The following RCOR2 variants were observed in gnomAD, a reference collection of about 807,000 sequenced individuals.
The protein encoded by RCOR2 is REST corepressor 2.
A neutral mutation model predicts 58.9 loss-of-function variants in RCOR2; 19 were observed. The observed-to-expected ratio is 0.32, with a 90% CI of 0.23 to 0.47. The LOEUF (loss-of-function observed/expected upper bound fraction) is 0.47, where lower values mean the gene tolerates loss of function less well. Ranked by LOEUF, RCOR2 falls within the 20% of genes least tolerant of loss-of-function variation. The pLI is 1.00. For missense variants in RCOR2, 590 were observed against 707.9 expected, an observed-to-expected ratio of 0.83 and a Z score of 1.89; for synonymous variants, 286 against 278.7, an observed-to-expected ratio of 1.03 and a Z score of -0.26.
At position 63,911,848 on chromosome 11, in the gene RCOR2, G is replaced by A. The variant is rs371099264; in HGVS notation, c.*17C>T. 17 of 1,484,504 alleles carry A rather than the reference G, an allele frequency of 1.1e-5. No individual in the cohort carries two copies. The Admixed American group carries it at 1.4e-4, about 13-fold the overall frequency. 92.0% of individuals were successfully genotyped at this position (1,484,504 alleles called of 1,614,324 possible). ...AAAGGGGTCCTGGAGCCCGTGGTTGGTGGAGGACGTCAGGGCTCAGAGTGA... is the reference window on the plus strand; with the variant it reads ...AAAGGGGTCCTGGAGCCCGTGGTTGATGGAGGACGTCAGGGCTCAGAGTGA... On this transcript the variant is annotated 3_prime_UTR_variant, in exon 12 of 12. Transcript: ENST00000301459.
intron 9 of RCOR2, 56 bp from the exon 10 acceptor site, chr11:63,912,789 C>G (rs1163849090): frequency 6.2e-7 from 1 of 1,608,304 alleles, no homozygotes; most frequent in Non-Finnish European, 8.5e-7. Flanking sequence ...AATGGAAGCC[C>G]TGCTCCCCAA....
chr11:63,914,159 G>A lies in RCOR2; in HGVS notation c.686C>T (p.Ser229Phe). The change falls in exon 8 of 12, where the codon TCT (serine) becomes TTT (phenylalanine). Residue 229 changes from serine (S) to phenylalanine (F), a missense_variant. Coordinates refer to ENST00000301459, the MANE Select transcript of RCOR2 (RefSeq NM_173587.4). ...PADPKREPLP[S>F]RPLNARPGPG... ...GCCTGGGCGTGCATTCAGGGGCCGA[G>A]AGGGTAGAGGCTGCCAGTGAAAGGA... 1 of 1,613,732 alleles carries A rather than the reference G, an allele frequency of 6.2e-7. No homozygotes were observed. Among genetic ancestry groups the A allele is most frequent in the Non-Finnish European group, 8.5e-7 (1 of 1,179,928 alleles).
Position 63,916,662 on chromosome 11 carries a change from C to T in RCOR2, c.-206G>A. On this transcript the variant is annotated 5_prime_UTR_variant, in exon 1 of 12. Coordinates refer to ENST00000301459, the MANE Select transcript of RCOR2 (RefSeq NM_173587.4). ...TCTCCACGACCCCCACGAGCCAGGG[C>T]GTCAGAAAAGTTTGTGCAGAAGTGG... 1.2e-6 allele frequency: 1 copy of T among 853,262 alleles called. No individual in the cohort carries two copies. The highest frequency in any genetic ancestry group is 1.7e-6 in the Non-Finnish European group (1 of 578,434). 52.9% of individuals were successfully genotyped at this position (853,262 alleles called of 1,614,324 possible).
Position 63,914,642 on chromosome 11 carries a change from G to T in RCOR2, c.480+13C>A, listed in dbSNP as rs1185302539. ...CAGAGGAGCGCCGGGGAGTGGGGGT[G>T]GAAGGGCTTTACCATCTGCTGGATC... On this transcript the variant is annotated intron_variant, in intron 5 of 11. Transcript: ENST00000301459. The T allele has an allele frequency of 1.2e-6, 2 of 1,604,162 alleles. No homozygotes were observed. Among genetic ancestry groups the T allele is most frequent in the Non-Finnish European group, 8.5e-7 (1 of 1,174,622 alleles).
chr11:63,919,104 C>T (rs1249138055), upstream of RCOR2, among the ~76,000 whole-genome samples: 1 of 151,988 alleles, frequency 6.6e-6, no homozygotes, highest in African/African-American at 2.4e-5. Flanking sequence ...GGGAGAGTCC[C>T]TAGGCCCTGA....
In RCOR2 at chr11:63,911,665, C is replaced by CG; in HGVS notation, c.*199dup. On this transcript the variant is annotated 3_prime_UTR_variant, in exon 12 of 12. Coordinates refer to ENST00000301459, the MANE Select transcript of RCOR2 (RefSeq NM_173587.4). Reference sequence around the variant, plus strand: ...AGGCCAGCTCAAAGGCCCCTGAGCCCGGCCATGGCCCCAGGAGACAGGCCC... The same window carrying CG: ...AGGCCAGCTCAAAGGCCCCTGAGCCCGGGCCATGGCCCCAGGAGACAGGCCC... 1.2e-6 allele frequency: 1 copy of CG among 841,158 alleles called. No individual in the cohort carries two copies. Among genetic ancestry groups the CG allele is most frequent in the Admixed American group, 4.1e-5 (1 of 24,508 alleles). 52.1% of individuals were successfully genotyped at this position (841,158 alleles called of 1,614,324 possible). A position where few individuals can be genotyped will look rare whatever the true frequency, so the allele number is the denominator to read the frequency against.
chr11:63,912,485 C>A lies in RCOR2; in HGVS notation c.1077G>T (p.Gly359=). ...TCTTCACCTGGGTCAGAGTCTTGTT[C>A]CCAATCACCTCTGCAATAGCCCCAA... ...KDFGAIAEVI[G]NKTLTQVKTF... The change falls in exon 11 of 12, where the codon GGG becomes GGT. Residue 359 remains glycine, a synonymous_variant. Coordinates refer to ENST00000301459, the MANE Select transcript of RCOR2 (RefSeq NM_173587.4). The A allele has an allele frequency of 6.2e-7, 1 of 1,614,012 alleles. No homozygotes were observed. Among genetic ancestry groups the A allele is most frequent in the South Asian group, 1.1e-5 (1 of 91,080 alleles).
the RCOR2 span, among the ~76,000 whole-genome samples, chr11:63,923,349 C>A: frequency 6.6e-6 from 1 of 152,012 alleles, no homozygotes. Context: ...TCCCTTCATC[C>A]CATGTTCACC....
chr11:63,917,290 C>T (rs1941874330), upstream of RCOR2, among the ~76,000 whole-genome samples: 1 of 148,168 alleles, frequency 6.7e-6, no homozygotes, highest in African/African-American at 2.5e-5. Flanking sequence ...GCCAGGGGGC[C>T]GGGGCCAGAC....
the RCOR2 span, among the ~76,000 whole-genome samples, chr11:63,926,797 G>GT: frequency 1.1e-3 from 152 of 133,200 alleles, no homozygotes; most frequent in East Asian, 0.015. Flanking sequence ...TTTTTGTTTT[G>GT]TTTTTTTTGT....
chr11:63,914,253 G>A lies in RCOR2; in HGVS notation c.675+8C>T, dbSNP rs1941822647. 1.2e-6 allele frequency: 2 copies of A among 1,613,454 alleles called. No homozygotes were observed. The highest frequency in any genetic ancestry group is 2.2e-5 in the South Asian group (2 of 91,080). On this transcript the variant is annotated splice_region_variant and intron_variant, in intron 7 of 11. Transcript: ENST00000301459. ...GGCAGGCAGGGCCCAGAGGCTCTGG[G>A]AGCTCACCTCTCTCTTGGGATCTGC...
chr11:63,926,063 C>G, the RCOR2 span, among the ~76,000 whole-genome samples: 1 of 152,114 alleles, frequency 6.6e-6, no homozygotes, highest in Non-Finnish European at 1.5e-5. Context: ...GCACCCACCA[C>G]CATGCCCGGC....
At chr11:63,922,124 TC>T (rs1452823228), upstream of RCOR2, among the ~76,000 whole-genome samples, 1 of 152,114 alleles carries the variant, frequency 6.6e-6, no homozygotes, top group Non-Finnish European at 1.5e-5. Flanking sequence ...AGCAAGAAGG[TC>T]CTCACCAGAT....
upstream of RCOR2, among the ~76,000 whole-genome samples, chr11:63,917,208 C>A (rs1941872684): frequency 6.6e-6 from 1 of 152,106 alleles, no homozygotes; most frequent in East Asian, 1.9e-4. Flanking sequence ...GCCTCAGCAC[C>A]CCTCCCCCAG....
chr11:63,921,538 C>T (rs370720474), upstream of RCOR2, among the ~76,000 whole-genome samples: 42 of 152,336 alleles, frequency 2.8e-4, no homozygotes, highest in East Asian at 2.3e-3. Flanking sequence ...AGGTTGAGTC[C>T]TGGCTCCGCT....
At chr11:63,922,981 C>G in the RCOR2 span, among the ~76,000 whole-genome samples, 1 of 152,144 alleles carries the variant, frequency 6.6e-6, no homozygotes, top group African/African-American at 2.4e-5. Flanking sequence ...CTGCTCTCCC[C>G]ACAGTCCCCC....
At chr11:63,915,328 A>G (rs931690503) in intron 2 of RCOR2, 70 bp from the exon 3 acceptor site, 57 of 1,366,188 alleles carry the variant, frequency 4.2e-5, no homozygotes, top group Non-Finnish European at 5.1e-6. Context: ...ACCCATGGCC[A>G]GAGGGCAGCA....
chr11:63,912,157 G>C lies in RCOR2; in HGVS notation c.1280C>G (p.Thr427Arg). The C allele has an allele frequency of 6.5e-7, 1 of 1,543,836 alleles. No individual in the cohort carries two copies. Among genetic ancestry groups the C allele is most frequent in the East Asian group, 2.4e-5 (1 of 41,200 alleles). The part of the protein sequence containing the change: ...DDEVQITSVS[T>R]SVPRSVPPAP... ...AGGGGGCACTGATCGGGGCACGGAC[G>C]TGGAGACCGATGTAATCTGGACCTG... The change falls in exon 12 of 12, where the codon ACG becomes AGG. Residue 427 changes from threonine (T) to arginine (R), a missense_variant. By Grantham distance (71) the Thr-to-Arg change is moderately conservative. This residue lies in a region of RCOR2 where 196 missense variants were observed against 210.7 expected (regional missense o/e 0.93). Coordinates refer to ENST00000301459, the MANE Select transcript of RCOR2 (RefSeq NM_173587.4).
At position 63,911,912 on chromosome 11, in the gene RCOR2, G is replaced by T. The variant is rs767526390; in HGVS notation, c.1525C>A (p.Pro509Thr). 3.8e-6 allele frequency: 5 copies of T among 1,301,784 alleles called. No individual in the cohort carries two copies. The highest frequency in any genetic ancestry group is 1.5e-5 in the African/African-American group (1 of 66,032). The allele number at this position is 1,301,784 out of a possible 1,614,324, so 80.6% of individuals were successfully genotyped here. A position where few individuals can be genotyped will look rare whatever the true frequency, so the allele number is the denominator to read the frequency against. Residue 509 changes from proline (P) to threonine (T), a missense_variant, in exon 12 of 12, where the codon CCC (proline) becomes ACC (threonine). Pro to Thr is a conservative substitution (Grantham distance 38). Coordinates refer to ENST00000301459, the MANE Select transcript of RCOR2 (RefSeq NM_173587.4). ...HSARPGPQPPPTLIGTPLEPP... is the reference protein window; with the variant it reads ...HSARPGPQPPTTLIGTPLEPP... ...TCCAGAGGGGTTCCAATCAGGGTGG[G>T]TGGGGGCTGAGGGCCAGGGCGGGCG...
Sources: allele counts gnomAD v4.1 joint callset (sites outside exome capture counted in the v4.1 genomes callset), GRCh38; gene constraint gnomAD v4.1.1; regional missense constraint gnomAD v4.1.1; transcripts MANE v1.5; gene names NCBI Gene and HGNC (gene_info 2026-07-23, HGNC 2026-07-21).